Variants in ADAM22 observed in about 807,000 individuals in gnomAD.
The protein encoded by ADAM22 is ADAM metallopeptidase domain 22.
ADAM22 carries 65 observed loss-of-function variants against 144.6 expected under a neutral mutation model. The ratio of observed to expected loss-of-function variants is 0.45; its 90% CI spans 0.37 to 0.55. The LOEUF is 0.55. Ranked by LOEUF, ADAM22 falls within the 20% of genes least tolerant of loss-of-function variation. The pLI is 0.00. For missense variants in ADAM22, 974 were observed against 1,184.9 expected, an observed-to-expected ratio of 0.82 and a Z score of 2.61; for synonymous variants, 391 against 412.6, an observed-to-expected ratio of 0.95 and a Z score of 0.63.
chr7:88,125,795 G>A (rs1830271518), intron 8 of ADAM22, 136 bp downstream of exon 8: 1 of 615,180 alleles, frequency 1.6e-6, no homozygotes, highest in Non-Finnish European at 2.7e-6. Context: ...CCGTAAGGGT[G>A]ATGGATCTGA....
At chr7:87,994,261 C>G (rs1218026582) in intron 3 of ADAM22, among the ~76,000 whole-genome samples, 2 of 151,770 alleles carry the variant, frequency 1.3e-5, no homozygotes, top group Non-Finnish European at 2.9e-5. Flanking sequence ...TCCTGGTTCA[C>G]GCCATTCTCC....
Position 88,143,059 on chromosome 7 carries a change from T to C in ADAM22, c.1254T>C (p.Asn418=). 1 of 1,612,750 alleles carries C rather than the reference T, an allele frequency of 6.2e-7. No individual in the cohort carries two copies. Among genetic ancestry groups the C allele is most frequent in the Non-Finnish European group, 8.5e-7 (1 of 1,179,092 alleles). ...YYLPKKFTQC[N]IEEYHDFLNS... ...TTCCTAAAAAGTTCACCCAGTGTAA[T>C]ATTGAAGAGTATCATGACTTCCTGA... Residue 418 remains asparagine, a synonymous_variant, in exon 15 of 32, where the codon AAT becomes AAC. Transcript: ENST00000413139.
intron 20 of ADAM22, 103 bp downstream of exon 20, chr7:88,151,423 G>A: frequency 1.5e-6 from 2 of 1,319,936 alleles, no homozygotes; most frequent in South Asian, 1.2e-5. Flanking sequence ...TTATGACTGG[G>A]GGATTCTCAA....
chr7:88,181,921 T>C lies in ADAM22; in HGVS notation c.2597-37T>C. The C allele has an allele frequency of 2.5e-6, 4 of 1,585,190 alleles. No individual in the cohort carries two copies. The Middle Eastern group carries it at 5.0e-4, about 199-fold the overall frequency. ...TAATTAGACATAGGGCAATCACTTA[T>C]TTACATGGAAATCTAGCTCTAAACC... On this transcript the variant is annotated intron_variant, in intron 28 of 31. Coordinates refer to ENST00000413139, the MANE Select transcript of ADAM22 (RefSeq NM_001324418.2).
rs1804995865 is a variant in ADAM22, at chr7:88,047,573, G to A, written c.324-28053G>A. Reference sequence around the variant, plus strand: ...AAATTTTTACATATTTCTAAAAATTGAGCACACAGGCATGTTTTGGATTTT... The same window carrying A: ...AAATTTTTACATATTTCTAAAAATTAAGCACACAGGCATGTTTTGGATTTT... On this transcript the variant is annotated intron_variant, in intron 3 of 31. Transcript: ENST00000413139. Among the ~76,000 whole-genome samples, 4 of 152,048 alleles carry A rather than the reference G, an allele frequency of 2.6e-5. No homozygotes were observed. In the South Asian group the frequency reaches 8.3e-4, roughly 32 times the overall value.
intron 2 of ADAM22, among the ~76,000 whole-genome samples, chr7:87,976,260 G>A (rs188819350): frequency 8.7e-4 from 133 of 152,292 alleles, no homozygotes; most frequent in African/African-American, 3.0e-3. Flanking sequence ...TTTAAATGTT[G>A]AAACTCTAAC....
chr7:88,151,292 T>C lies in ADAM22; in HGVS notation c.1653T>C (p.Asp551=), dbSNP rs765038098. Residue 551 remains aspartate, a synonymous_variant, in exon 20 of 32, where the codon GAT becomes GAC. Transcript: ENST00000413139. The part of the protein sequence containing the change: ...ICFGGRCKTR[D]RQCKYIWGQK... ...TTGGAGGAAGATGCAAAACCAGAGATAGACAATGCAAATACATTTGGGGGC... is the reference window on the plus strand; with the variant it reads ...TTGGAGGAAGATGCAAAACCAGAGACAGACAATGCAAATACATTTGGGGGC... 1.2e-6 allele frequency: 2 copies of C among 1,614,140 alleles called. No individual in the cohort carries two copies. The highest frequency in any genetic ancestry group is 1.1e-5 in the South Asian group (1 of 91,078).
Position 88,082,992 on chromosome 7 carries a change from A to G in ADAM22, c.390+7300A>G, listed in dbSNP as rs567636322. Among the ~76,000 whole-genome samples, 8 of 152,358 alleles carry G rather than the reference A, an allele frequency of 5.3e-5. No individual in the cohort carries two copies. The South Asian group carries it at 1.7e-3, about 32-fold the overall frequency. On this transcript the variant is annotated intron_variant, in intron 4 of 31. Transcript: ENST00000413139. ...ACCCAGCCATCCCATTAGTGGGTAT[A>G]TACCCAAAGGATTATAAATCATGCT...
At chr7:88,096,244 T>C (rs113310121) in intron 4 of ADAM22, among the ~76,000 whole-genome samples, 23 of 139,456 alleles carry the variant, frequency 1.6e-4, no homozygotes, top group African/African-American at 2.6e-4. Flanking sequence ...TTTTTTTTTT[T>C]CCCCCAAAGA....
At position 87,958,168 on chromosome 7, in the gene ADAM22, A is replaced by G. The variant is rs144101215; in HGVS notation, c.247-20168A>G. On this transcript the variant is annotated intron_variant, in intron 2 of 31. Coordinates refer to ENST00000413139, the MANE Select transcript of ADAM22 (RefSeq NM_001324418.2). ...AAGCAGTATATACCATTTGACATAC[A>G]CATTTGACATTGGCATGAGTTTCTA... Among the ~76,000 whole-genome samples, 1,074 of 152,246 alleles carry G rather than the reference A, an allele frequency of 7.1e-3. 11 individuals carry two copies. The highest frequency in any genetic ancestry group is 0.039 in the South Asian group (188 of 4,822).
intron 8 of ADAM22, 84 bp downstream of exon 8, chr7:88,125,743 G>A (rs1393425105): frequency 1.8e-6 from 2 of 1,133,628 alleles, no homozygotes; most frequent in Non-Finnish European, 2.5e-6. Flanking sequence ...GTCTGTGTGA[G>A]AGGGTGAGTA....
chr7:88,148,600 T>G (rs1001531969), intron 17 of ADAM22, among the ~76,000 whole-genome samples: 1 of 152,150 alleles, frequency 6.6e-6, no homozygotes, highest in Non-Finnish European at 1.5e-5. Context: ...TGTAATTTTT[T>G]GATTCTTGGT....
chr7:88,080,917 G>T (rs547363169), intron 4 of ADAM22, among the ~76,000 whole-genome samples: 10 of 152,280 alleles, frequency 6.6e-5, no homozygotes, highest in Admixed American at 6.5e-4. Flanking sequence ...GAGGTACAAG[G>T]AGGAACTGGT....
intron 4 of ADAM22, among the ~76,000 whole-genome samples, chr7:88,083,186 T>C (rs1563179283): frequency 6.6e-6 from 1 of 152,144 alleles, no homozygotes; most frequent in Non-Finnish European, 1.5e-5. Flanking sequence ...ATGTCCTTTG[T>C]AGGGACATGG....
At chr7:88,131,485 T>C in intron 11 of ADAM22, 50 bp downstream of exon 11, 1 of 1,559,756 alleles carries the variant, frequency 6.4e-7, no homozygotes, top group Non-Finnish European at 8.8e-7. Context: ...CCATGTTAAA[T>C]GCTTTATTGT....
intron 3 of ADAM22, among the ~76,000 whole-genome samples, chr7:88,023,555 G>A (rs1410173445): frequency 6.6e-6 from 1 of 152,080 alleles, no homozygotes; most frequent in African/African-American, 2.4e-5. Context: ...GAGTAGCTGG[G>A]ATTACAGGCA....
intron 4 of ADAM22, among the ~76,000 whole-genome samples, chr7:88,083,406 T>TGCA (rs1275528646): frequency 6.6e-6 from 1 of 151,784 alleles, no homozygotes; most frequent in Non-Finnish European, 1.5e-5. Flanking sequence ...AGTTAATGGG[T>TGCA]GCAGCACACC....
intron 14 of ADAM22, among the ~76,000 whole-genome samples, chr7:88,137,590 A>G (rs1040577662): frequency 5.3e-5 from 8 of 152,148 alleles, no homozygotes; most frequent in African/African-American, 1.7e-4. Flanking sequence ...CTATCTAACC[A>G]GATTTCTAAC....
intron 26 of ADAM22, among the ~76,000 whole-genome samples, chr7:88,175,960 T>G (rs986353500): frequency 1.8e-4 from 27 of 152,224 alleles, no homozygotes; most frequent in African/African-American, 4.8e-4. Context: ...AACATTATTA[T>G]TAGTAGTAGT....
Sources: allele counts gnomAD v4.1 joint callset (sites outside exome capture counted in the v4.1 genomes callset), GRCh38; gene constraint gnomAD v4.1.1; transcripts MANE v1.5; gene names NCBI Gene and HGNC (gene_info 2026-07-23, HGNC 2026-07-21).